Variants in DNM3 observed in about 807,000 individuals in gnomAD.
The protein encoded by DNM3 is dynamin-3.
A neutral mutation model predicts 101.6 loss-of-function variants in DNM3; 47 were observed. The ratio of observed to expected loss-of-function variants is 0.46; its 90% CI spans 0.37 to 0.59. The LOEUF (loss-of-function observed/expected upper bound fraction) is 0.59, where lower values mean the gene tolerates loss of function less well. Among genes scored for constraint, DNM3 ranks in the 20% least tolerant of loss-of-function variants. The probability of loss-of-function intolerance (pLI) is 0.00; values close to 1 mark genes in which losing one functional copy is unlikely to be tolerated. For missense variants in DNM3, 849 were observed against 1,085.7 expected (o/e 0.78, Z 3.06); for synonymous variants, 385 against 387.9 (o/e 0.99, Z 0.09).
intron 12 of DNM3, among the ~76,000 whole-genome samples, chr1:172,085,569 C>T (rs1156590558): frequency 6.6e-6 from 1 of 152,076 alleles, no homozygotes; most frequent in Non-Finnish European, 1.5e-5. Context: ...AAGCAGCAGA[C>T]CAAGGTCTGT....
At chr1:171,972,464 T>C (rs1158471065) in intron 2 of DNM3, among the ~76,000 whole-genome samples, 1 of 152,206 alleles carries the variant, frequency 6.6e-6, no homozygotes, top group Non-Finnish European at 1.5e-5. Context: ...GAGGGCCTTG[T>C]TAGGTTGTTT....
chr1:171,855,262 T>C (rs1031532144), intron 1 of DNM3, among the ~76,000 whole-genome samples: 5 of 152,210 alleles, frequency 3.3e-5, no homozygotes, highest in African/African-American at 1.2e-4. Context: ...CCATATTTTC[T>C]TTATCCAATC....
intron 14 of DNM3, among the ~76,000 whole-genome samples, chr1:172,225,896 A>G (rs1332017140): frequency 1.3e-5 from 2 of 151,822 alleles, no homozygotes; most frequent in East Asian, 1.9e-4. Flanking sequence ...GAATTATGCT[A>G]TTTGTGCCAT....
intron 1 of DNM3, among the ~76,000 whole-genome samples, chr1:171,869,354 A>G (rs1210805024): frequency 2.0e-5 from 3 of 152,146 alleles, no homozygotes; most frequent in Non-Finnish European, 2.9e-5. Flanking sequence ...GCTCAGCCAC[A>G]TAGGATCTTG....
At chr1:171,920,806 G>C (rs181970291) in intron 1 of DNM3, among the ~76,000 whole-genome samples, 2 of 152,112 alleles carry the variant, frequency 1.3e-5, no homozygotes, top group Non-Finnish European at 2.9e-5. Context: ...TTATCAAAAC[G>C]TCCATTTATC....
intron 13 of DNM3, among the ~76,000 whole-genome samples, chr1:172,124,015 C>G (rs2056475976): frequency 6.6e-6 from 1 of 152,184 alleles, no homozygotes; most frequent in Non-Finnish European, 1.5e-5. Flanking sequence ...GTAGAGTCCA[C>G]TTCAAGGCCA....
intron 14 of DNM3, among the ~76,000 whole-genome samples, chr1:172,160,762 A>G (rs1008496156): frequency 6.6e-6 from 1 of 152,116 alleles, no homozygotes; most frequent in Non-Finnish European, 1.5e-5. Context: ...GTTGCTTATT[A>G]TCATTATTAA....
At chr1:171,874,217 A>C (rs915873208) in intron 1 of DNM3, among the ~76,000 whole-genome samples, 3 of 152,206 alleles carry the variant, frequency 2.0e-5, no homozygotes, top group African/African-American at 7.2e-5. Flanking sequence ...ATGGGATGTC[A>C]CTAATATGCA....
chr1:171,877,385 G>C (rs1423269445), intron 1 of DNM3, among the ~76,000 whole-genome samples: 2 of 152,144 alleles, frequency 1.3e-5, no homozygotes, highest in African/African-American at 2.4e-5. Context: ...TAAATGTTTT[G>C]CAAGTTTGCT....
intron 14 of DNM3, among the ~76,000 whole-genome samples, chr1:172,152,059 T>G (rs909304525): frequency 6.6e-6 from 1 of 152,000 alleles, no homozygotes; most frequent in Non-Finnish European, 1.5e-5. Context: ...AATTTTTTTA[T>G]TTTTTTGTAG....
At chr1:172,297,745 C>T (rs955176919) in intron 15 of DNM3, among the ~76,000 whole-genome samples, 3 of 152,074 alleles carry the variant, frequency 2.0e-5, no homozygotes, top group African/African-American at 7.2e-5. Context: ...ATGTTTCTCA[C>T]ATTTTTCTTT....
At chr1:171,854,508 G>C (rs998206718) in intron 1 of DNM3, among the ~76,000 whole-genome samples, 1 of 151,454 alleles carries the variant, frequency 6.6e-6, no homozygotes, top group Non-Finnish European at 1.5e-5. Context: ...CTTTTTTTCT[G>C]AGACAAAGTC....
At chr1:171,883,103 T>G (rs895531268) in intron 1 of DNM3, among the ~76,000 whole-genome samples, 1 of 152,052 alleles carries the variant, frequency 6.6e-6, no homozygotes, top group South Asian at 2.1e-4. Context: ...CATTAAATGC[T>G]CTTTGAAAGC....
intron 14 of DNM3, among the ~76,000 whole-genome samples, chr1:172,141,612 G>A (rs2057585188): frequency 6.6e-6 from 1 of 152,018 alleles, no homozygotes; most frequent in African/African-American, 2.4e-5. Flanking sequence ...AAAAAAGTGG[G>A]GAGAATTCTT....
intron 1 of DNM3, among the ~76,000 whole-genome samples, chr1:171,871,283 A>G (rs1215191298): frequency 1.3e-5 from 2 of 152,236 alleles, no homozygotes; most frequent in Non-Finnish European, 2.9e-5. Context: ...CATTGCTGTC[A>G]GGGACCTGAT....
At chr1:172,121,568 T>C (rs1247451223) in intron 13 of DNM3, among the ~76,000 whole-genome samples, 1 of 152,198 alleles carries the variant, frequency 6.6e-6, no homozygotes, top group African/African-American at 2.4e-5. Flanking sequence ...TAGACGATGA[T>C]GAAGGCACTG....
chr1:172,378,897 C>A, intron 17 of DNM3, 121 bp from the exon 18 acceptor site: 1 of 1,111,000 alleles, frequency 9.0e-7, no homozygotes, highest in Non-Finnish European at 1.2e-6. Context: ...AAAAATGTTA[C>A]CATCTACTGA....
chr1:172,087,776 A>C (rs2053634716), intron 12 of DNM3, among the ~76,000 whole-genome samples: 1 of 152,126 alleles, frequency 6.6e-6, no homozygotes, highest in Admixed American at 6.5e-5. Flanking sequence ...CCTCTTTCTC[A>C]TTCCTTCTGA....
intron 15 of DNM3, among the ~76,000 whole-genome samples, chr1:172,265,820 A>ACTGTTT (rs1365848525): frequency 1.3e-5 from 2 of 152,092 alleles, no homozygotes; most frequent in African/African-American, 4.8e-5. Flanking sequence ...CCAACAGAGA[A>ACTGTTT]CTGTTTCTGT....
Sources: gnomAD v4.1 joint callset for allele counts (sites outside exome capture counted in the v4.1 genomes callset) on GRCh38, gnomAD v4.1.1 for gene constraint, MANE v1.5 for transcripts, NCBI Gene and HGNC (gene_info 2026-07-23, HGNC 2026-07-21) for gene names.